The following PLCL2 variants were observed in gnomAD, a reference collection of about 807,000 sequenced individuals.
PLCL2 encodes the protein phospholipase C like 2.
Under a neutral mutation model 79.6 loss-of-function variants are expected in PLCL2, and 4 were observed. The ratio of observed to expected loss-of-function variants is 0.05; its 90% CI spans 0.02 to 0.11. PLCL2 has a LOEUF of 0.11. Ranked by LOEUF, PLCL2 falls within the 10% of genes least tolerant of loss-of-function variation. The probability of loss-of-function intolerance (pLI) is 1.00; values close to 1 mark genes in which losing one functional copy is unlikely to be tolerated. For synonymous variants in PLCL2, 484 were observed against 457.7 expected (o/e 1.06, Z -0.73); for missense variants, 895 against 1,291.0 (o/e 0.69, Z 4.70).
intron 1 of PLCL2, among the ~76,000 whole-genome samples, chr3:16,903,062 G>T (rs138083587): frequency 6.6e-6 from 1 of 152,240 alleles, no homozygotes; most frequent in Non-Finnish European, 1.5e-5. Flanking sequence ...CGTAGGAAAG[G>T]TCTTATAAGT....
At chr3:17,050,111 G>A (rs2064824359) in intron 4 of PLCL2, among the ~76,000 whole-genome samples, 1 of 152,076 alleles carries the variant, frequency 6.6e-6, no homozygotes, top group Admixed American at 6.6e-5. Flanking sequence ...AATCGTGCAG[G>A]GAAAACGGGA....
At chr3:17,078,952 C>T (rs536049340) in intron 5 of PLCL2, among the ~76,000 whole-genome samples, 1 of 152,246 alleles carries the variant, frequency 6.6e-6, no homozygotes, top group South Asian at 2.1e-4. Context: ...GAAAATCAAA[C>T]TATAGTAGCG....
In PLCL2 at chr3:17,013,162, A is replaced by T. The variant is rs7629462; in HGVS notation, c.2814+1002A>T. On this transcript the variant is annotated intron_variant, in intron 2 of 5. Coordinates refer to ENST00000615277, the MANE Select transcript of PLCL2 (RefSeq NM_001144382.2). ...GGTGAAAGTGGTTTGGTAAACCCTCAGCTCTGAGCAAGCGCATTGTCCACT... is the reference window on the plus strand; with the variant it reads ...GGTGAAAGTGGTTTGGTAAACCCTCTGCTCTGAGCAAGCGCATTGTCCACT... Among the ~76,000 whole-genome samples the T allele has an allele frequency of 6.9e-3, 1,049 of 152,064 alleles. 5 individuals carry two copies. The highest frequency in any genetic ancestry group is 0.021 in the African/African-American group (876 of 41,308).
At position 17,090,009 on chromosome 3, in the gene PLCL2, C is replaced by T. The variant is rs11549706; in HGVS notation, c.*97C>T. The T allele has an allele frequency of 0.17, 236,156 of 1,427,412 alleles. 22,158 individuals carry two copies. Among genetic ancestry groups the T allele is most frequent in the Non-Finnish European group, 0.18 (199,481 of 1,084,350 alleles). 88.4% of individuals were successfully genotyped at this position (1,427,412 alleles called of 1,614,324 possible). A position where few individuals can be genotyped will look rare whatever the true frequency, so the allele number is the denominator to read the frequency against. On this transcript the variant is annotated 3_prime_UTR_variant, in exon 6 of 6. Transcript: ENST00000615277. ...TGCACTCACTAATGAGAATAATATT[C>T]GGGATTTTAAAGCACAACTGGAATA...
Position 17,011,310 on chromosome 3 carries a change from A to G in PLCL2, c.1964A>G (p.Lys655Arg). The change falls in exon 2 of 6, where the codon AAG becomes AGG. Residue 655 changes from lysine to arginine, a missense_variant. This residue lies in a region of PLCL2 where 242 missense variants were observed against 399.5 expected (regional missense o/e 0.61). Transcript: ENST00000615277. The surrounding 1 kb of genome is among the most constrained non-coding windows in gnomAD (Gnocchi z 7.9). ...VCSFNEVLAS[K>R]YANENPGDFV... ...TCCTTTAATGAAGTGCTTGCCAGCA[A>G]GTACGCCAATGAAAATCCAGGGGAC... The G allele has an allele frequency of 6.2e-7, 1 of 1,614,234 alleles. No individual in the cohort carries two copies. The highest frequency in any genetic ancestry group is 8.5e-7 in the Non-Finnish European group (1 of 1,180,038).
intron 1 of PLCL2, among the ~76,000 whole-genome samples, chr3:16,892,584 A>C (rs964067488): frequency 6.6e-6 from 1 of 152,248 alleles, no homozygotes; most frequent in African/African-American, 2.4e-5. Context: ...CTATAAAATT[A>C]ATAATTAAAA....
chr3:16,893,082 A>T (rs913615570), intron 1 of PLCL2, among the ~76,000 whole-genome samples: 3 of 152,228 alleles, frequency 2.0e-5, no homozygotes, highest in Non-Finnish European at 4.4e-5. Context: ...GCTGAATCTT[A>T]TGATGAAACC....
chr3:16,956,909 T>A (rs2063711053), intron 1 of PLCL2, among the ~76,000 whole-genome samples: 1 of 152,178 alleles, frequency 6.6e-6, no homozygotes, highest in African/African-American at 2.4e-5. Flanking sequence ...ATCTATTTGA[T>A]TCTTCTCTCT....
chr3:16,996,457 C>G (rs140609065), intron 1 of PLCL2, among the ~76,000 whole-genome samples: 1 of 152,016 alleles, frequency 6.6e-6, no homozygotes, highest in Non-Finnish European at 1.5e-5. Flanking sequence ...TGATAATACT[C>G]GTGTTATAGG....
chr3:16,982,359 A>G (rs1302717541), intron 1 of PLCL2, among the ~76,000 whole-genome samples: 2 of 152,194 alleles, frequency 1.3e-5, no homozygotes. Flanking sequence ...TCTGAGCCAC[A>G]GTGTTCAAGT....
chr3:16,894,406 A>G (rs1377760019), intron 1 of PLCL2, among the ~76,000 whole-genome samples: 1 of 152,146 alleles, frequency 6.6e-6, no homozygotes, highest in Non-Finnish European at 1.5e-5. Flanking sequence ...TCCCTGGTTT[A>G]TGTATATTTC....
chr3:17,058,070 G>C (rs1009377241), intron 4 of PLCL2, among the ~76,000 whole-genome samples: 1 of 152,198 alleles, frequency 6.6e-6, no homozygotes, highest in African/African-American at 2.4e-5. Context: ...GTAGAGCCCT[G>C]ATCACACAGA....
chr3:17,089,776 A>G lies in PLCL2; in HGVS notation c.3248A>G (p.Glu1083Gly). The G allele has an allele frequency of 1.2e-6, 2 of 1,613,446 alleles. No individual in the cohort carries two copies. The highest frequency in any genetic ancestry group is 1.7e-6 in the Non-Finnish European group (2 of 1,179,516). The change falls in exon 6 of 6, where the codon GAG (glutamate) becomes GGG (glycine). Residue 1083 changes from glutamate to glycine, a missense_variant. Glu to Gly is a moderately conservative substitution (Grantham distance 98, BLOSUM62 -2). This residue lies in a region of PLCL2 where 298 missense variants were observed against 459.6 expected (regional missense o/e 0.65). Transcript: ENST00000615277. ...LLKYAKNETL[E>G]NLKQIHFAAV... Reference sequence around the variant, plus strand: ...AAATATGCTAAGAATGAGACATTGGAGAACCTGAAACAAATCCATTTTGCT... The same window carrying G: ...AAATATGCTAAGAATGAGACATTGGGGAACCTGAAACAAATCCATTTTGCT...
chr3:16,888,166 G>A (rs1696268211), intron 1 of PLCL2, among the ~76,000 whole-genome samples: 1 of 152,188 alleles, frequency 6.6e-6, no homozygotes, highest in Admixed American at 6.5e-5. Context: ...GGCAAAGAAA[G>A]GGGGACTATT....
chr3:16,984,149 G>C (rs2064026256), intron 1 of PLCL2, among the ~76,000 whole-genome samples: 1 of 151,642 alleles, frequency 6.6e-6, no homozygotes, highest in South Asian at 2.1e-4. Flanking sequence ...AAATAACATA[G>C]CCCCAGTTGA....
At chr3:16,980,278 C>A (rs1402057067) in intron 1 of PLCL2, among the ~76,000 whole-genome samples, 1 of 146,562 alleles carries the variant, frequency 6.8e-6, no homozygotes, top group African/African-American at 2.5e-5. Context: ...GGGGCTGACC[C>A]CCCCCACCTC....
intron 5 of PLCL2, among the ~76,000 whole-genome samples, chr3:17,089,358 A>G (rs2124961579): frequency 6.6e-6 from 1 of 152,344 alleles, no homozygotes; most frequent in African/African-American, 2.4e-5. Flanking sequence ...CTGTGAGTTT[A>G]TACTTATTTC....
At chr3:17,061,246 TC>T (rs1263009710) in intron 4 of PLCL2, among the ~76,000 whole-genome samples, 1 of 152,214 alleles carries the variant, frequency 6.6e-6, no homozygotes, top group Non-Finnish European at 1.5e-5. Flanking sequence ...GGCCCTCACT[TC>T]CTTTCAAAGC....
chr3:17,079,447 T>C (rs1457951888), intron 5 of PLCL2, among the ~76,000 whole-genome samples: 1 of 152,228 alleles, frequency 6.6e-6, no homozygotes, highest in Non-Finnish European at 1.5e-5. Context: ...TGGCCAGGTC[T>C]GTAGCAGAGG....
Sources: allele counts gnomAD v4.1 joint callset (sites outside exome capture counted in the v4.1 genomes callset), GRCh38; gene constraint gnomAD v4.1.1; regional missense constraint gnomAD v4.1.1; non-coding constraint Gnocchi (gnomAD v3.1); transcripts MANE v1.5; gene names NCBI Gene and HGNC (gene_info 2026-07-23, HGNC 2026-07-21).